PCDHA7: variants seen among roughly 807,000 people sequenced by gnomAD.
PCDHA7 encodes protocadherin alpha 7.
A neutral mutation model predicts 57.2 loss-of-function variants in PCDHA7; 37 were observed. That is an observed-to-expected ratio of 0.65 (90% CI 0.50 to 0.85). The LOEUF (loss-of-function observed/expected upper bound fraction) is 0.85. PCDHA7 is among the 40% of genes least tolerant of loss of function. The pLI is 0.00. For missense variants in PCDHA7, 1,188 were observed against 1,241.8 expected (o/e 0.96, Z 0.65); for synonymous variants, 553 against 558.8 (o/e 0.99, Z 0.15).
intron 1 of PCDHA7, chr5:140,842,567 G>A: frequency 1.3e-6 from 2 of 1,504,984 alleles, no homozygotes; most frequent in Non-Finnish European, 1.8e-6. Context: ...CCTGGACCGC[G>A]AGAGAGTGTC....
Position 140,848,412 on chromosome 5 carries a change from A to G in PCDHA7, c.2355+11674A>G. ...CTCTGTGCTGAACGATGGCGAACAC[A>G]GCAGAATGGGACTGACGAAATCAGA... On this transcript the variant is annotated intron_variant, in intron 1 of 3. Coordinates refer to ENST00000525929, the MANE Select transcript of PCDHA7 (RefSeq NM_018910.3). 2 of 1,379,818 alleles carry G rather than the reference A, an allele frequency of 1.4e-6. 1 individual carries two copies. Among genetic ancestry groups the G allele is most frequent in the Non-Finnish European group, 2.0e-6 (2 of 1,001,964 alleles). 85.5% of individuals were successfully genotyped at this position (1,379,818 alleles called of 1,614,324 possible).
intron 1 of PCDHA7, chr5:140,842,523 T>C (rs2150338056): frequency 6.2e-7 from 1 of 1,613,420 alleles, no homozygotes; most frequent in South Asian, 1.1e-5. Flanking sequence ...GTGTCCACCT[T>C]CAAGAATTAC....
At chr5:140,871,707 G>A (rs2053270634) in intron 1 of PCDHA7, 9 of 843,502 alleles carry the variant, frequency 1.1e-5, no homozygotes, top group Non-Finnish European at 1.6e-5. Flanking sequence ...ACCAATAAAT[G>A]TCCTATTTCT....
chr5:140,882,283 G>A (rs1554173377), intron 1 of PCDHA7: 2 of 1,612,834 alleles, frequency 1.2e-6, no homozygotes, highest in South Asian at 1.1e-5. Flanking sequence ...TGTCTTCCTG[G>A]CAAGGAGGCC....
At chr5:140,926,472 T>G in intron 1 of PCDHA7, 1 of 163,134 alleles carries the variant, frequency 6.1e-6, no homozygotes, top group East Asian at 1.8e-4. Context: ...AAAACACCGT[T>G]TAAGGAGAGA....
At chr5:140,927,905 C>T in intron 1 of PCDHA7, 3 of 1,614,210 alleles carry the variant, frequency 1.9e-6, no homozygotes, top group Non-Finnish European at 2.5e-6. Context: ...GATCATGCCC[C>T]CGAACTGGAC....
intron 2 of PCDHA7, 141 bp downstream of exon 2, chr5:140,979,148 C>G: frequency 6.9e-7 from 1 of 1,441,158 alleles, no homozygotes; most frequent in South Asian, 1.5e-5. Context: ...TTATTTTGTC[C>G]CCATGTTTAT....
At chr5:140,999,398 A>G (rs17119351) in intron 3 of PCDHA7, among the ~76,000 whole-genome samples, 13,435 of 152,202 alleles carry the variant, frequency 0.088, 686 homozygotes, top group African/African-American at 0.14. Flanking sequence ...TTTGTTTTGC[A>G]TATGAAAGAA....
At position 140,877,452 on chromosome 5, in the gene PCDHA7, G is replaced by A. The variant is rs116206336; in HGVS notation, c.2355+40714G>A. On this transcript the variant is annotated intron_variant, in intron 1 of 3. Transcript: ENST00000525929. ...AGGACCACGGTGAGCCCGCGCTGAC[G>A]TCCACGGCCACGGTGCTGGTGTCGC... 1,416 of 1,613,822 alleles carry A rather than the reference G, an allele frequency of 8.8e-4. 8 individuals carry two copies. The African/African-American group carries it at 0.017, about 19-fold the overall frequency.
chr5:140,957,416 A>T (rs1456143168), intron 1 of PCDHA7, among the ~76,000 whole-genome samples: 2 of 152,144 alleles, frequency 1.3e-5, no homozygotes, highest in East Asian at 1.9e-4. Flanking sequence ...TATTGTTGTT[A>T]ATCTTTTACT....
intron 1 of PCDHA7, among the ~76,000 whole-genome samples, chr5:140,940,510 G>A (rs1477590604): frequency 4.0e-5 from 6 of 151,894 alleles, no homozygotes; most frequent in African/African-American, 9.7e-5. Context: ...TCGCTCAGGC[G>A]TGATCATAGC....
At chr5:140,947,221 T>A (rs181563367) in intron 1 of PCDHA7, among the ~76,000 whole-genome samples, 1 of 151,730 alleles carries the variant, frequency 6.6e-6, no homozygotes, top group East Asian at 1.9e-4. Context: ...TCCTGTCATT[T>A]ATGACAGGAA....
At chr5:140,836,998 G>A (rs2150272095) in intron 1 of PCDHA7, 32 of 336,008 alleles carry the variant, frequency 9.5e-5, no homozygotes, top group Non-Finnish European at 1.5e-4. Flanking sequence ...TTGCTAACTG[G>A]AGCAATGGAT....
chr5:140,984,945 C>CT (rs113297104), intron 3 of PCDHA7, among the ~76,000 whole-genome samples: 99 of 149,274 alleles, frequency 6.6e-4, no homozygotes, highest in Non-Finnish European at 1.1e-3. Context: ...AATGTCTAAT[C>CT]TTTTTTTTTT....
intron 1 of PCDHA7, chr5:140,848,339 A>T (rs1554142071): frequency 4.5e-6 from 4 of 885,086 alleles, no homozygotes. Context: ...AATCCAGACA[A>T]ATACAGCCCT....
chr5:140,847,580 C>T (rs1350641732), intron 1 of PCDHA7: 1 of 149,008 alleles, frequency 6.7e-6, no homozygotes, highest in African/African-American at 2.5e-5. Flanking sequence ...TAAGGATGAG[C>T]AATAATGAAA....
chr5:140,934,337 A>G (rs1404340648), intron 1 of PCDHA7, among the ~76,000 whole-genome samples: 1 of 152,128 alleles, frequency 6.6e-6, no homozygotes, highest in African/African-American at 2.4e-5. Context: ...TGTAATAACC[A>G]CCAGTACAGT....
rs2150350021 is a variant in PCDHA7 at position 140,843,009 on chromosome 5, C to G, written c.2355+6271C>G. The G allele has an allele frequency of 1.9e-6, 3 of 1,595,058 alleles. 1 individual carries two copies. Among genetic ancestry groups the G allele is most frequent in the Non-Finnish European group, 2.6e-6 (3 of 1,165,480 alleles). Reference sequence around the variant, plus strand: ...GTGCTGGACGAGAATGACAACGCGCCGGCACTGCTGGAGCCTCGGGTGGGT... The same window carrying G: ...GTGCTGGACGAGAATGACAACGCGCGGGCACTGCTGGAGCCTCGGGTGGGT... On this transcript the variant is annotated intron_variant, in intron 1 of 3. Coordinates refer to ENST00000525929, the MANE Select transcript of PCDHA7 (RefSeq NM_018910.3).
At chr5:140,995,557 A>G (rs1032736761) in intron 3 of PCDHA7, among the ~76,000 whole-genome samples, 2 of 152,252 alleles carry the variant, frequency 1.3e-5, no homozygotes, top group African/African-American at 2.4e-5. Flanking sequence ...ACTGTACTGA[A>G]TAATATGTCA....
Sources: gnomAD v4.1 joint callset for allele counts (sites outside exome capture counted in the v4.1 genomes callset) on GRCh38, gnomAD v4.1.1 for gene constraint, MANE v1.5 for transcripts, NCBI Gene and HGNC (gene_info 2026-07-23, HGNC 2026-07-21) for gene names.